The following RARB variants were observed in gnomAD, a reference collection of about 807,000 sequenced individuals.
RARB encodes HBV-activated protein.
RARB carries 17 observed loss-of-function variants against 51.9 expected under a neutral mutation model. The ratio of observed to expected loss-of-function variants is 0.33; its 90% CI spans 0.22 to 0.49. The LOEUF (loss-of-function observed/expected upper bound fraction) is 0.49. Among genes scored for constraint, RARB ranks in the 20% least tolerant of loss-of-function variants. The pLI, the probability that RARB is intolerant of heterozygous loss-of-function variation, is 0.99. For synonymous variants in RARB, 215 were observed against 195.4 expected (o/e 1.10, Z -0.84); for missense variants, 369 against 550.8 (o/e 0.67, Z 3.30).
rs755971407 is a variant in RARB at position 25,092,155 on chromosome 3, G to A, written c.-328+31979G>A. Among the ~76,000 whole-genome samples, 24 of 152,178 alleles carry A rather than the reference G, an allele frequency of 1.6e-4. 1 individual carries two copies. The highest frequency in any genetic ancestry group is 3.2e-4 in the Non-Finnish European group (22 of 68,028). On this transcript the variant is annotated intron_variant, in intron 3 of 11. Transcript: ENST00000383772. ...AAATCTGCTGACGAGGCACTTAGGA[G>A]AGAGGAGGCGGTCTTGTCTATTGCT...
intron 5 of RARB, among the ~76,000 whole-genome samples, chr3:25,193,429 A>C (rs551433053): frequency 6.6e-6 from 1 of 152,198 alleles, no homozygotes; most frequent in Non-Finnish European, 1.5e-5. Flanking sequence ...TTAAGTCCCT[A>C]AAAAGTTCAG....
At position 25,363,721 on chromosome 3, in the gene RARB, C is replaced by T. The variant is rs1022946323; in HGVS notation, c.179-97472C>T. Among the ~76,000 whole-genome samples the T allele has an allele frequency of 3.9e-5, 6 of 152,290 alleles. No homozygotes were observed. In the East Asian group the frequency reaches 1.2e-3, roughly 29 times the overall value. On this transcript the variant is annotated intron_variant, in intron 5 of 11. Transcript: ENST00000383772. ...CATGCCTTATAACTTTTTCACAGCA[C>T]AACACAGATCAGTTGACATCACTTG...
intron 5 of RARB, among the ~76,000 whole-genome samples, chr3:25,188,942 T>C (rs1284084162): frequency 6.6e-6 from 1 of 152,160 alleles, no homozygotes; most frequent in Non-Finnish European, 1.5e-5. Flanking sequence ...TTGAGGCCAG[T>C]GCATTAAAAT....
intron 3 of RARB, among the ~76,000 whole-genome samples, chr3:25,548,320 T>C (rs1699704784): frequency 6.6e-6 from 1 of 152,186 alleles, no homozygotes; most frequent in African/African-American, 2.4e-5. Flanking sequence ...CCCTGATTGA[T>C]TATCAGTCTT....
intron 5 of RARB, among the ~76,000 whole-genome samples, chr3:25,229,998 G>C (rs767978829): frequency 3.3e-5 from 5 of 152,062 alleles, no homozygotes; most frequent in Non-Finnish European, 7.4e-5. Context: ...GAAGGATCTT[G>C]AGTAAATATA....
intron 2 of RARB, among the ~76,000 whole-genome samples, chr3:25,036,222 C>A (rs17015641): frequency 1.3e-5 from 2 of 152,044 alleles, no homozygotes; most frequent in South Asian, 2.1e-4. Flanking sequence ...AACCTCCTTG[C>A]GGCAGTTGTA....
intron 5 of RARB, among the ~76,000 whole-genome samples, chr3:25,359,277 T>C (rs1023005670): frequency 6.6e-6 from 1 of 152,240 alleles, no homozygotes; most frequent in East Asian, 1.9e-4. Flanking sequence ...TAGAGGTGTT[T>C]ATAGTATTCA....
chr3:25,183,683 G>A (rs1700913585), intron 5 of RARB, among the ~76,000 whole-genome samples: 1 of 152,004 alleles, frequency 6.6e-6, no homozygotes, highest in Non-Finnish European at 1.5e-5. Context: ...CTCTCTTTAG[G>A]ATTTGTATAC....
At chr3:25,331,055 G>A (rs571195888) in intron 5 of RARB, among the ~76,000 whole-genome samples, 1 of 152,262 alleles carries the variant, frequency 6.6e-6, no homozygotes, top group African/African-American at 2.4e-5. Context: ...AAGAGACTTA[G>A]ACCCCCACAC....
At chr3:25,046,681 C>T (rs1159476758) in intron 2 of RARB, among the ~76,000 whole-genome samples, 4 of 152,098 alleles carry the variant, frequency 2.6e-5, no homozygotes, top group Non-Finnish European at 5.9e-5. Flanking sequence ...TTTCAAACTC[C>T]TGTCCTCAAG....
At chr3:25,085,961 G>A (rs1256756984) in intron 3 of RARB, among the ~76,000 whole-genome samples, 2 of 152,172 alleles carry the variant, frequency 1.3e-5, no homozygotes, top group African/African-American at 2.4e-5. Flanking sequence ...GGATGATCTA[G>A]GTTGGAAGAA....
At chr3:25,271,366 A>C (rs765475632) in intron 5 of RARB, among the ~76,000 whole-genome samples, 3 of 152,196 alleles carry the variant, frequency 2.0e-5, no homozygotes, top group African/African-American at 4.8e-5. Flanking sequence ...TAAGCATACC[A>C]ATGTCTCAAG....
chr3:25,521,738 G>A (rs576232522), intron 3 of RARB, among the ~76,000 whole-genome samples: 4 of 152,254 alleles, frequency 2.6e-5, no homozygotes, highest in South Asian at 2.1e-4. Flanking sequence ...GGTAGTGCAC[G>A]TCTATAAAAC....
chr3:25,429,858 A>G (rs1271251026), intron 1 of RARB, among the ~76,000 whole-genome samples: 2 of 152,192 alleles, frequency 1.3e-5, no homozygotes. Flanking sequence ...TGGCTCAGCT[A>G]TCTATCAAAA....
intron 5 of RARB, among the ~76,000 whole-genome samples, chr3:25,219,384 A>G (rs1701898433): frequency 6.6e-6 from 1 of 152,194 alleles, no homozygotes; most frequent in South Asian, 2.1e-4. Flanking sequence ...AAGAGGAGGC[A>G]GAAGAATAAC....
chr3:25,381,827 GT>G (rs1706635233), intron 5 of RARB, among the ~76,000 whole-genome samples: 1 of 152,176 alleles, frequency 6.6e-6, no homozygotes, highest in Non-Finnish European at 1.5e-5. Context: ...GGAAATTTGA[GT>G]TTTAACAAAC....
intron 5 of RARB, among the ~76,000 whole-genome samples, chr3:25,207,073 A>G (rs1365418923): frequency 1.3e-5 from 2 of 152,230 alleles, no homozygotes; most frequent in Non-Finnish European, 2.9e-5. Context: ...GGTTAAGATA[A>G]TAACTTTTTA....
intron 5 of RARB, among the ~76,000 whole-genome samples, chr3:25,349,780 C>T (rs1705504074): frequency 6.6e-6 from 1 of 151,952 alleles, no homozygotes; most frequent in Non-Finnish European, 1.5e-5. Context: ...ACAAAACTAC[C>T]CCCAACATTC....
intron 2 of RARB, among the ~76,000 whole-genome samples, chr3:24,953,445 A>G (rs915614691): frequency 1.3e-5 from 2 of 152,228 alleles, no homozygotes; most frequent in Non-Finnish European, 2.9e-5. Flanking sequence ...CCCCTGAGCA[A>G]TGCAGTCTTC....
Sources: gnomAD v4.1 joint callset for allele counts (sites outside exome capture counted in the v4.1 genomes callset) on GRCh38, gnomAD v4.1.1 for gene constraint, MANE v1.5 for transcripts, NCBI Gene and HGNC (gene_info 2026-07-23, HGNC 2026-07-21) for gene names.